Variants in ESRRG observed in about 807,000 individuals in gnomAD.
ESRRG encodes the protein estrogen related receptor gamma.
A neutral mutation model predicts 44.0 loss-of-function variants in ESRRG; 13 were observed. The ratio of observed to expected loss-of-function variants is 0.30; its 90% CI spans 0.19 to 0.47. The LOEUF (loss-of-function observed/expected upper bound fraction) is 0.47, where lower values mean the gene tolerates loss of function less well. ESRRG is among the 20% of genes least tolerant of loss of function. The pLI is 1.00. For missense variants in ESRRG, 395 were observed against 580.6 expected (o/e 0.68, Z 3.29); for synonymous variants, 215 against 214.6 (o/e 1.00, Z -0.02).
At chr1:216,654,645 A>T (rs530966887) in intron 2 of ESRRG, among the ~76,000 whole-genome samples, 1 of 152,136 alleles carries the variant, frequency 6.6e-6, no homozygotes, top group South Asian at 2.1e-4. Flanking sequence ...AAAAAAAAAA[A>T]AATCTAGTTA....
intron 1 of ESRRG, among the ~76,000 whole-genome samples, chr1:216,949,741 A>AG (rs1392931111): frequency 4.6e-5 from 7 of 152,108 alleles, no homozygotes; most frequent in African/African-American, 1.7e-4. Context: ...CGAACCAAAA[A>AG]TGTGTTTCAT....
At chr1:216,570,469 TGATTTA>T (rs925558970) in intron 3 of ESRRG, among the ~76,000 whole-genome samples, 2 of 152,194 alleles carry the variant, frequency 1.3e-5, no homozygotes, top group African/African-American at 4.8e-5. Context: ...ACTTTCATCA[TGATTTA>T]TTTTTTTTCA....
chr1:216,847,111 G>T (rs1261013991), intron 2 of ESRRG, among the ~76,000 whole-genome samples: 3 of 151,968 alleles, frequency 2.0e-5, no homozygotes, highest in African/African-American at 7.3e-5. Flanking sequence ...CATGTATTAT[G>T]ATTACTGCTT....
chr1:216,778,096 C>G (rs1247144275), intron 2 of ESRRG, among the ~76,000 whole-genome samples: 1 of 151,996 alleles, frequency 6.6e-6, no homozygotes, highest in African/African-American at 2.4e-5. Context: ...AACAGAGAAA[C>G]CTGTTGAAGC....
At chr1:216,892,270 T>C (rs570251522) in intron 2 of ESRRG, among the ~76,000 whole-genome samples, 2 of 152,344 alleles carry the variant, frequency 1.3e-5, no homozygotes, top group South Asian at 2.1e-4. Flanking sequence ...TATGATACTT[T>C]AGGGGCAAAT....
At position 216,677,541 on chromosome 1, in the gene ESRRG, G is replaced by A. The variant is rs79632997; in HGVS notation, c.57-50C>T. 1.1e-3 allele frequency: 1,598 copies of A among 1,468,874 alleles called. 16 individuals are homozygous for A. The African/African-American group carries it at 0.02, about 18-fold the overall frequency. The allele number at this position is 1,468,874 out of a possible 1,614,324, so 91.0% of individuals were successfully genotyped here. A position where few individuals can be genotyped will look rare whatever the true frequency, so the allele number is the denominator to read the frequency against. On this transcript the variant is annotated intron_variant, in intron 1 of 6. Transcript: ENST00000408911. ...AGACAGAAAGAGGAGAGAGTGTCAA[G>A]CACAGAGACCAAAAGAGGTAGAAAC...
At chr1:216,545,293 C>G (rs1381717203) in intron 5 of ESRRG, among the ~76,000 whole-genome samples, 1 of 151,088 alleles carries the variant, frequency 6.6e-6, no homozygotes, top group Non-Finnish European at 1.5e-5. Context: ...AAACTCCTGG[C>G]TTTAAGGGAT....
chr1:216,770,053 G>A (rs1386921414), intron 2 of ESRRG, among the ~76,000 whole-genome samples: 1 of 152,018 alleles, frequency 6.6e-6, no homozygotes, highest in Non-Finnish European at 1.5e-5. Context: ...AAAAGAGCAA[G>A]GGAAGCTAGG....
chr1:216,821,075 A>T (rs1004920739), intron 2 of ESRRG, among the ~76,000 whole-genome samples: 3 of 152,060 alleles, frequency 2.0e-5, no homozygotes, highest in Admixed American at 6.6e-5. Flanking sequence ...TAATGTATTT[A>T]AAAAAAACAA....
chr1:216,805,905 G>C (rs1312864309), intron 2 of ESRRG, among the ~76,000 whole-genome samples: 5 of 152,130 alleles, frequency 3.3e-5, no homozygotes, highest in Admixed American at 3.3e-4. Flanking sequence ...GATTCTGAAG[G>C]AGAGAAGATG....
At chr1:216,939,923 C>A (rs2064932887) in intron 1 of ESRRG, among the ~76,000 whole-genome samples, 3 of 152,206 alleles carry the variant, frequency 2.0e-5, no homozygotes, top group East Asian at 1.9e-4. Flanking sequence ...AGATTTCTTC[C>A]TTCTCAGCTT....
chr1:216,927,233 T>C lies in ESRRG; in HGVS notation c.-14+12349A>G, dbSNP rs376863690. On this transcript the variant is annotated intron_variant, in intron 2 of 7. Transcript: ENST00000359162. ...TCAAAGGCTCGATTTTTCTCTTTTGTAGCAAAATGGCAAGAGCCTATGGGA... is the reference window on the plus strand; with the variant it reads ...TCAAAGGCTCGATTTTTCTCTTTTGCAGCAAAATGGCAAGAGCCTATGGGA... 1.1e-3 allele frequency among the ~76,000 whole-genome samples: 161 copies of C among 152,324 alleles called. 2 individuals are homozygous for C. Among genetic ancestry groups the C allele is most frequent in the African/African-American group, 3.7e-3 (153 of 41,570 alleles).
At chr1:216,514,716 A>T (rs1450071555) in intron 6 of ESRRG, among the ~76,000 whole-genome samples, 2 of 152,154 alleles carry the variant, frequency 1.3e-5, no homozygotes, top group Non-Finnish European at 2.9e-5. Context: ...GCCTCATAAT[A>T]GCCATGCATG....
chr1:216,866,959 T>C (rs1220612195), intron 2 of ESRRG, among the ~76,000 whole-genome samples: 1 of 152,182 alleles, frequency 6.6e-6, no homozygotes, highest in African/African-American at 2.4e-5. Flanking sequence ...TAATTACAAG[T>C]TTCTGTCATT....
rs1031739416 is a variant in ESRRG, at chr1:217,098,215, T to C, written c.-230+39452A>G. Among the ~76,000 whole-genome samples, 45 of 152,142 alleles carry C rather than the reference T, an allele frequency of 3.0e-4. 1 individual carries two copies. Among genetic ancestry groups the C allele is most frequent in the African/African-American group, 1.0e-3 (43 of 41,460 alleles). On this transcript the variant is annotated intron_variant, in intron 1 of 8. Coordinates refer to the ESRRG transcript ENST00000366940. ...TTATCCCTTCTCCTTCAACCCTCCATCAGCAAGCTCTTTATAAATGAACCC... is the reference window on the plus strand; with the variant it reads ...TTATCCCTTCTCCTTCAACCCTCCACCAGCAAGCTCTTTATAAATGAACCC...
At chr1:216,519,552 A>C (rs2045427517) in intron 5 of ESRRG, 131 bp from the exon 6 acceptor site, 1 of 870,868 alleles carries the variant, frequency 1.1e-6, no homozygotes, top group Non-Finnish European at 1.7e-6. Context: ...AAGCTCTTAA[A>C]ATTTTCCCTG....
At chr1:217,128,477 C>A (rs906739325) in intron 1 of ESRRG, among the ~76,000 whole-genome samples, 1 of 152,176 alleles carries the variant, frequency 6.6e-6, no homozygotes. Context: ...ATTAGAAACA[C>A]CCTGTCAACC....
intron 2 of ESRRG, among the ~76,000 whole-genome samples, chr1:216,653,354 T>C (rs551767637): frequency 6.6e-6 from 1 of 152,340 alleles, no homozygotes; most frequent in Non-Finnish European, 1.5e-5. Context: ...TCCCTAGGAC[T>C]GCTTTGATCA....
Position 216,543,294 on chromosome 1 carries a change from C to G in ESRRG, c.862+20925G>C, listed in dbSNP as rs555737342. On this transcript the variant is annotated intron_variant, in intron 5 of 6. Transcript: ENST00000408911. ...TTCAAGATTATCATTTTGTATTCAT[C>G]AGGTATTTTTTGAAGTTTTCTATCA... Among the ~76,000 whole-genome samples the G allele has an allele frequency of 3.9e-5, 6 of 152,072 alleles. No homozygotes were observed. The East Asian group carries it at 9.7e-4, about 25-fold the overall frequency.
Sources: allele counts gnomAD v4.1 joint callset (sites outside exome capture counted in the v4.1 genomes callset), GRCh38; gene constraint gnomAD v4.1.1; transcripts MANE v1.5; gene names NCBI Gene and HGNC (gene_info 2026-07-23, HGNC 2026-07-21).